Variants in OSTC observed in about 807,000 individuals in gnomAD.
The protein encoded by OSTC is oligosaccharyltransferase complex subunit OSTC.
OSTC carries 16 observed loss-of-function variants against 16.4 expected under a neutral mutation model. The observed-to-expected ratio is 0.98, with a 90% confidence interval of 0.66 to 1.49. OSTC has a LOEUF of 1.49. OSTC is among the 40% of genes most tolerant of loss of function. OSTC has a pLI of 0.00. For synonymous variants in OSTC, 67 were observed against 68.5 expected, an observed-to-expected ratio of 0.98 and a Z score of 0.11; for missense variants, 139 against 186.3, an observed-to-expected ratio of 0.75 and a Z score of 1.48.
chr4:108,663,358 CCCA>C (rs1442407041), intron 3 of OSTC: 1 of 359,340 alleles, frequency 2.8e-6, no homozygotes, highest in Non-Finnish European at 5.4e-6. Flanking sequence ...ACTACAGGCG[CCCA>C]CCACCATGCC....
chr4:108,660,808 TTC>T (rs1446161794), intron 3 of OSTC, among the ~76,000 whole-genome samples: 3 of 152,198 alleles, frequency 2.0e-5, no homozygotes, highest in African/African-American at 4.8e-5. Flanking sequence ...GTATTACTGG[TTC>T]TGTTTTCTGA....
At chr4:108,663,881 T>A (rs139206087) in intron 3 of OSTC, among the ~76,000 whole-genome samples, 114 of 152,344 alleles carry the variant, frequency 7.5e-4, no homozygotes, top group African/African-American at 2.4e-3. Context: ...GCTTCTCCTG[T>A]CTCTAGTTGG....
chr4:108,665,047 C>A (rs1165716312), intron 3 of OSTC, among the ~76,000 whole-genome samples: 1 of 151,960 alleles, frequency 6.6e-6, no homozygotes, highest in Non-Finnish European at 1.5e-5. Flanking sequence ...TGTGTGAGTT[C>A]TAGGTTGATT....
chr4:108,652,369 C>G (rs1324775099), intron 1 of OSTC: 1 of 152,108 alleles, frequency 6.6e-6, no homozygotes, highest in Non-Finnish European at 1.5e-5. Context: ...GGATTCTTTG[C>G]GAGAAGCCTC....
intron 2 of OSTC, 128 bp from the exon 3 acceptor site, chr4:108,657,322 T>C (rs1726735747): frequency 1.3e-6 from 1 of 761,562 alleles, no homozygotes; most frequent in South Asian, 1.9e-5. Flanking sequence ...TATAGTAAAA[T>C]AGTTGTAAGG....
At chr4:108,657,036 C>T (rs962805333) in intron 2 of OSTC, among the ~76,000 whole-genome samples, 1 of 150,174 alleles carries the variant, frequency 6.7e-6, no homozygotes, top group African/African-American at 2.5e-5. Flanking sequence ...CACAGCACTC[C>T]AGCCTGGGCG....
chr4:108,665,810 G>T (rs7665506), intron 3 of OSTC, among the ~76,000 whole-genome samples: 1 of 151,810 alleles, frequency 6.6e-6, no homozygotes, highest in African/African-American at 2.4e-5. Flanking sequence ...CACCTACCTC[G>T]GCTTCCCAAA....
chr4:108,663,240 C>G (rs1054893253), intron 3 of OSTC: 27 of 455,704 alleles, frequency 5.9e-5, no homozygotes, highest in Admixed American at 3.5e-4. Flanking sequence ...GAGACGGAGT[C>G]TCGCTCTGTT....
Position 108,659,630 on chromosome 4 carries a change from A to T in OSTC, c.431+1983A>T, listed in dbSNP as rs1221063512. Among the ~76,000 whole-genome samples, 3 of 152,034 alleles carry T rather than the reference A, an allele frequency of 2.0e-5. No individual in the cohort carries two copies. In the East Asian group the frequency reaches 5.8e-4, roughly 30 times the overall value. ...TAAAAATACAAAAAATGAGCCAGGCATGGTGTCGGGTGCCTGTAGTCCCAG... is the reference window on the plus strand; with the variant it reads ...TAAAAATACAAAAAATGAGCCAGGCTTGGTGTCGGGTGCCTGTAGTCCCAG... On this transcript the variant is annotated intron_variant, in intron 3 of 3. Coordinates refer to ENST00000361564, the MANE Select transcript of OSTC (RefSeq NM_021227.4).
intron 3 of OSTC, among the ~76,000 whole-genome samples, chr4:108,665,447 T>TA (rs1726968371): frequency 7.0e-6 from 1 of 143,186 alleles, no homozygotes; most frequent in Non-Finnish European, 1.5e-5. Flanking sequence ...TTGTAAACCT[T>TA]TTTTTTTTTT....
intron 2 of OSTC, among the ~76,000 whole-genome samples, chr4:108,657,129 T>G (rs1726729319): frequency 6.6e-6 from 1 of 152,174 alleles, no homozygotes. Context: ...ATATGAGTAT[T>G]TATTTTACAT....
At chr4:108,659,806 A>G (rs1404103802) in intron 3 of OSTC, among the ~76,000 whole-genome samples, 2 of 152,120 alleles carry the variant, frequency 1.3e-5, no homozygotes, top group Non-Finnish European at 2.9e-5. Context: ...ATTTACAACC[A>G]AAACAAAAGA....
chr4:108,663,892 T>G (rs570854330), intron 3 of OSTC, among the ~76,000 whole-genome samples: 11 of 152,148 alleles, frequency 7.2e-5, no homozygotes, highest in Non-Finnish European at 1.2e-4. Context: ...CTCTAGTTGG[T>G]TTTTGAGTTC....
intron 3 of OSTC, among the ~76,000 whole-genome samples, chr4:108,666,548 A>G (rs1335114013): frequency 6.6e-6 from 1 of 151,964 alleles, no homozygotes; most frequent in Non-Finnish European, 1.5e-5. Context: ...CGTCTCTACT[A>G]AAAATAGAAA....
At chr4:108,655,121 T>A (rs1726668397) in intron 1 of OSTC, among the ~76,000 whole-genome samples, 1 of 152,204 alleles carries the variant, frequency 6.6e-6, no homozygotes, top group African/African-American at 2.4e-5. Flanking sequence ...TTTAGATGAG[T>A]TGGGCCACAT....
intron 3 of OSTC, 69 bp from the exon 4 acceptor site, chr4:108,667,178 T>C: frequency 1.5e-6 from 2 of 1,319,900 alleles, no homozygotes; most frequent in Non-Finnish European, 2.1e-6. Context: ...CATTTTGAAA[T>C]ACTATGATAA....
At chr4:108,657,923 T>C (rs78149202) in intron 3 of OSTC, among the ~76,000 whole-genome samples, 1 of 120,308 alleles carries the variant, frequency 8.3e-6, no homozygotes, top group African/African-American at 3.7e-5. Context: ...GTTTCTTTTT[T>C]TTTTTTTTTT....
intron 1 of OSTC, among the ~76,000 whole-genome samples, chr4:108,651,682 A>G (rs1162274830): frequency 6.6e-6 from 1 of 151,934 alleles, no homozygotes; most frequent in African/African-American, 2.4e-5. Flanking sequence ...CTTGGAAATT[A>G]TAAAATTAAT....
rs779481604 is a variant in OSTC, at chr4:108,667,243, G to A, written c.432-4G>A. On this transcript the variant is annotated splice_polypyrimidine_tract_variant and splice_region_variant and intron_variant, in intron 3 of 3. Transcript: ENST00000361564. ...TTTTTGTGCTTATAATTATATTTCT[G>A]CAGGGGCTATCTGATGGGTTAGAGT... is the stretch of plus-strand genomic sequence containing the variant. 6.2e-6 allele frequency: 10 copies of A among 1,607,600 alleles called. No individual in the cohort carries two copies. Among genetic ancestry groups the A allele is most frequent in the Non-Finnish European group, 6.8e-6 (8 of 1,176,244 alleles).
Sources: gnomAD v4.1 joint callset for allele counts (sites outside exome capture counted in the v4.1 genomes callset) on GRCh38, gnomAD v4.1.1 for gene constraint, MANE v1.5 for transcripts, NCBI Gene and HGNC (gene_info 2026-07-23, HGNC 2026-07-21) for gene names.